The following SPAG17 variants were observed in gnomAD, a reference collection of about 807,000 sequenced individuals.
The protein encoded by SPAG17 is sperm associated antigen 17, also known as sperm-associated antigen 17.
SPAG17 carries 169 observed loss-of-function variants against 273.6 expected under a neutral mutation model. That is an observed-to-expected ratio of 0.62 (90% CI 0.55 to 0.70). The LOEUF is 0.70. SPAG17 is among the 30% of genes least tolerant of loss of function. SPAG17 has a pLI of 0.00. For missense variants in SPAG17, 2,557 were observed against 2,627.8 expected, an observed-to-expected ratio of 0.97 and a Z score of 0.59; for synonymous variants, 825 against 873.2, an observed-to-expected ratio of 0.94 and a Z score of 0.97.
chr1:118,036,416 TAAC>T (rs1200594194), intron 24 of SPAG17, among the ~76,000 whole-genome samples: 4 of 152,030 alleles, frequency 2.6e-5, no homozygotes, highest in Non-Finnish European at 5.9e-5. Flanking sequence ...ATGGGGTAGT[TAAC>T]AAGGATAACT....
At chr1:118,170,242 T>A (rs1192616226) in intron 1 of SPAG17, among the ~76,000 whole-genome samples, 1 of 152,134 alleles carries the variant, frequency 6.6e-6, no homozygotes, top group Non-Finnish European at 1.5e-5. Context: ...TTGGGGGACA[T>A]ATAAGAAGAG....
intron 23 of SPAG17, among the ~76,000 whole-genome samples, chr1:118,038,870 AC>A (rs1285627390): frequency 1.3e-5 from 2 of 152,094 alleles, no homozygotes; most frequent in Non-Finnish European, 2.9e-5. Flanking sequence ...ATTTGTTCAA[AC>A]CCTTAGAATG....
intron 17 of SPAG17, among the ~76,000 whole-genome samples, chr1:118,068,747 A>G (rs1165858390): frequency 1.3e-5 from 2 of 152,158 alleles, no homozygotes; most frequent in East Asian, 3.9e-4. Context: ...AAATAAACAA[A>G]ATAGATAAGA....
intron 3 of SPAG17, among the ~76,000 whole-genome samples, chr1:118,124,914 G>A (rs926395696): frequency 1.3e-5 from 2 of 152,120 alleles, no homozygotes; most frequent in Non-Finnish European, 2.9e-5. Flanking sequence ...CCCATCTTGG[G>A]TCACGGTCCC....
chr1:118,110,746 C>A (rs1656708763), intron 4 of SPAG17, among the ~76,000 whole-genome samples: 1 of 152,186 alleles, frequency 6.6e-6, no homozygotes, highest in Non-Finnish European at 1.5e-5. Context: ...GTTGTGAGTA[C>A]ATCACTGAGC....
chr1:118,085,685 C>T (rs1281215294), intron 13 of SPAG17, among the ~76,000 whole-genome samples: 2 of 152,016 alleles, frequency 1.3e-5, no homozygotes, highest in African/African-American at 2.4e-5. Context: ...TAAGAAAACA[C>T]AACGGGAAAA....
At chr1:118,105,467 T>A (rs753407217) in intron 4 of SPAG17, among the ~76,000 whole-genome samples, 2 of 151,598 alleles carry the variant, frequency 1.3e-5, no homozygotes, top group Non-Finnish European at 1.5e-5. Context: ...CTGGGAGGGG[T>A]TTTGCGAAAT....
At chr1:118,141,719 C>T (rs1658692372) in intron 3 of SPAG17, among the ~76,000 whole-genome samples, 2 of 152,098 alleles carry the variant, frequency 1.3e-5, no homozygotes, top group South Asian at 2.1e-4. Context: ...GCCCAGTTCA[C>T]GTGAAGATTT....
At chr1:118,158,163 G>C (rs1279134160) in intron 1 of SPAG17, among the ~76,000 whole-genome samples, 1 of 152,192 alleles carries the variant, frequency 6.6e-6, no homozygotes, top group African/African-American at 2.4e-5. Flanking sequence ...AATTCTAAAG[G>C]AATGTATAAT....
At chr1:118,054,628 AT>A (rs1247608634) in intron 19 of SPAG17, among the ~76,000 whole-genome samples, 11 of 151,946 alleles carry the variant, frequency 7.2e-5, no homozygotes, top group Admixed American at 7.2e-4. Flanking sequence ...GTAAACTCAC[AT>A]TTTTTTCTTA....
intron 48 of SPAG17, chr1:117,959,181 G>A (rs1156766726): frequency 2.8e-6 from 4 of 1,411,228 alleles, no homozygotes; most frequent in Non-Finnish European, 2.9e-6. Flanking sequence ...TTCTTAATGA[G>A]GGAAAGATAA....
intron 28 of SPAG17, among the ~76,000 whole-genome samples, chr1:118,017,669 T>C (rs1471726702): frequency 6.6e-6 from 1 of 152,160 alleles, no homozygotes; most frequent in Non-Finnish European, 1.5e-5. Flanking sequence ...TTAGAAGGTT[T>C]TAAAGTATTA....
At chr1:118,015,238 T>C (rs1406052059) in intron 29 of SPAG17, among the ~76,000 whole-genome samples, 3 of 140,748 alleles carry the variant, frequency 2.1e-5, no homozygotes, top group African/African-American at 8.1e-5. Flanking sequence ...GAGCTTGCAC[T>C]CCAGCCTGGG....
chr1:118,083,927 A>T (rs760179840), intron 13 of SPAG17, among the ~76,000 whole-genome samples: 38 of 152,204 alleles, frequency 2.5e-4, no homozygotes, highest in Admixed American at 1.0e-3. Flanking sequence ...GGACTTGTTA[A>T]GCATGATGTG....
chr1:118,059,486 T>C (rs1297731409), intron 18 of SPAG17, among the ~76,000 whole-genome samples: 2 of 152,136 alleles, frequency 1.3e-5, no homozygotes, highest in East Asian at 3.9e-4. Flanking sequence ...TCTTGCATAC[T>C]TATCATTTTT....
Position 118,119,210 on chromosome 1 carries a change from T to C in SPAG17, c.316-3769A>G, listed in dbSNP as rs17037901. 1.8e-3 allele frequency among the ~76,000 whole-genome samples: 276 copies of C among 152,370 alleles called. 7 individuals carry two copies. In the East Asian group the frequency reaches 0.051, roughly 28 times the overall value. On this transcript the variant is annotated intron_variant, in intron 3 of 48. Transcript: ENST00000336338. ...GAGAGAGAGATAGAATGGACTCCCA[T>C]GAAGCCTGCTGTATGATTTCCCTTG... is the stretch of plus-strand genomic sequence containing the variant.
chr1:117,960,224 C>T (rs1455066050), intron 48 of SPAG17: 1 of 151,618 alleles, frequency 6.6e-6, no homozygotes, highest in Non-Finnish European at 1.5e-5. Context: ...CTGACCCACC[C>T]CTACGCCCCG....
chr1:118,020,703 G>T (rs1185933174), intron 28 of SPAG17, among the ~76,000 whole-genome samples: 1 of 152,042 alleles, frequency 6.6e-6, no homozygotes, highest in Non-Finnish European at 1.5e-5. Flanking sequence ...AATTGATGTA[G>T]TAGATTAAAA....
chr1:117,965,239 C>T (rs1456188636), intron 47 of SPAG17: 1 of 152,040 alleles, frequency 6.6e-6, no homozygotes, highest in Non-Finnish European at 1.5e-5. Flanking sequence ...CAATTGTGTC[C>T]GTCTTTTCCT....
Sources: gnomAD v4.1 joint callset for allele counts (sites outside exome capture counted in the v4.1 genomes callset) on GRCh38, gnomAD v4.1.1 for gene constraint, MANE v1.5 for transcripts, NCBI Gene and HGNC (gene_info 2026-07-23, HGNC 2026-07-21) for gene names.